APOA4: variants seen among roughly 807,000 people sequenced by gnomAD.
The protein encoded by APOA4 is apolipoprotein A-IV.
In APOA4, 25 loss-of-function variants were observed where a neutral mutation model predicts 33.6. The observed-to-expected ratio is 0.74, with a 90% CI of 0.54 to 1.04. The LOEUF (loss-of-function observed/expected upper bound fraction) is 1.04, where lower values mean the gene tolerates loss of function less well. Ranked by LOEUF, APOA4 falls within the 50% of genes least tolerant of loss-of-function variation. The pLI is 0.00. For missense variants in APOA4, 549 were observed against 510.4 expected, an observed-to-expected ratio of 1.08 and a Z score of -0.73; for synonymous variants, 228 against 224.0, an observed-to-expected ratio of 1.02 and a Z score of -0.16.
Position 116,821,760 on chromosome 11 carries a change from C to G in APOA4, c.298G>C (p.Glu100Gln). ...RLAKDSEKLK[E>Q]EIGKELEELR... is the part of the protein sequence containing the mutation. The stretch of plus-strand genomic sequence containing the variant: ...TCCTCCAGCTCCTTCCCAATCTCCT[C>G]CTTCAGTTTCTCCGAGTCCTTGGCC... The change falls in exon 3 of 3, where the codon GAG becomes CAG. Residue 100 changes from glutamate (E) to glutamine (Q), a missense_variant. Physicochemically the swap from Glu to Gln is conservative, Grantham distance 29. Transcript: ENST00000357780. The G allele has an allele frequency of 6.4e-7, 1 of 1,561,066 alleles. No individual in the cohort carries two copies. The highest frequency in any genetic ancestry group is 2.2e-5 in the East Asian group (1 of 44,636).
rs949667521 is a variant in APOA4, at chr11:116,823,007, G to T, written c.49+136C>A. 59 of 1,363,330 alleles carry T rather than the reference G, an allele frequency of 4.3e-5. No homozygotes were observed. In the Middle Eastern group the frequency reaches 7.3e-4, roughly 17 times the overall value. 84.5% of individuals were successfully genotyped at this position (1,363,330 alleles called of 1,614,324 possible). A position where few individuals can be genotyped will look rare whatever the true frequency, so the allele number is the denominator to read the frequency against. On this transcript the variant is annotated intron_variant, in intron 1 of 2. Coordinates refer to ENST00000357780, the MANE Select transcript of APOA4 (RefSeq NM_000482.4). ...GGGCCAGCTCTCCTGTGAGCCACTT[G>T]GCAGCCAGGCAGACCTCATGTCCAG...
chr11:116,822,597 C>T (rs1941339437), intron 2 of APOA4, 62 bp downstream of exon 2: 1 of 1,613,102 alleles, frequency 6.2e-7, no homozygotes. Context: ...TCAACCCTTG[C>T]CAGTACATTG....
rs202147415 is a variant in APOA4, at chr11:116,821,210, T to G, written c.848A>C (p.Glu283Ala). The G allele has an allele frequency of 6.8e-5, 109 of 1,613,252 alleles. No individual in the cohort carries two copies. The highest frequency in any genetic ancestry group is 1.3e-4 in the Admixed American group (8 of 60,020). ...DVRGNLRGNT[E>A]GLQKSLAELG... ...CTCTGCCAGTGACTTCTGCAGCCCCTCGGTGTTGCCCCTCAGGTTGCCACG... is the reference window on the plus strand; with the variant it reads ...CTCTGCCAGTGACTTCTGCAGCCCCGCGGTGTTGCCCCTCAGGTTGCCACG... Residue 283 changes from glutamate (E) to alanine (A), a missense_variant, in exon 3 of 3, where the codon GAG (glutamate) becomes GCG (alanine). By Grantham distance (107) the Glu-to-Ala change is moderately radical (BLOSUM62 -1). Transcript: ENST00000357780.
chr11:116,823,168 C>T lies in APOA4; in HGVS notation c.24G>A (p.Leu8=), dbSNP rs1309619322. ...CGGCGACAGCCACCAGGGCCAGGGT[C>T]AGGACCACGGCCTTCAGGAACATCC... The part of the protein sequence containing the change: MFLKAVV[L]TLALVAVAGA... The change falls in exon 1 of 3, where the codon CTG becomes CTA. Residue 8 remains leucine, a synonymous_variant. Coordinates refer to ENST00000357780, the MANE Select transcript of APOA4 (RefSeq NM_000482.4). 6.2e-7 allele frequency: 1 copy of T among 1,614,096 alleles called. No homozygotes were observed. The highest frequency in any genetic ancestry group is 2.2e-5 in the East Asian group (1 of 44,870).
Position 116,821,405 on chromosome 11 carries a change from T to A in APOA4, c.653A>T (p.Glu218Val). The change falls in exon 3 of 3, where the codon GAG becomes GTG. Residue 218 changes from glutamate to valine, a missense_variant. Physicochemically the swap from Glu to Val is moderately radical, Grantham distance 121. Transcript: ENST00000357780. ...FKVKIDQTVE[E>V]LRRSLAPYAQ... ...ATAGGGAGCCAGGCTGCGGCGCAGCTCCTCCACGGTCTGGTCAATCTTGAC... is the reference window on the plus strand; with the variant it reads ...ATAGGGAGCCAGGCTGCGGCGCAGCACCTCCACGGTCTGGTCAATCTTGAC... 1 of 1,614,156 alleles carries A rather than the reference T, an allele frequency of 6.2e-7. No individual in the cohort carries two copies. Among genetic ancestry groups the A allele is most frequent in the Non-Finnish European group, 8.5e-7 (1 of 1,180,018 alleles).
At chr11:116,823,053 A>G in intron 1 of APOA4, 90 bp downstream of exon 1, 1 of 1,535,364 alleles carries the variant, frequency 6.5e-7, no homozygotes, top group Non-Finnish European at 9.0e-7. Context: ...ATGGGCACTC[A>G]GAAGTGTCCT....
At chr11:116,823,068 C>A (rs1591323155) in intron 1 of APOA4, 75 bp downstream of exon 1, 2 of 1,579,982 alleles carry the variant, frequency 1.3e-6, no homozygotes, top group Admixed American at 1.7e-5. Context: ...TGTCCTTTTG[C>A]TTTGGCTCAG....
rs1270883580 is a variant in APOA4, at chr11:116,821,629, G to C, written c.429C>G (p.Arg143=). 1.9e-6 allele frequency: 3 copies of C among 1,610,420 alleles called. No homozygotes were observed. The African/African-American group carries it at 4.0e-5, about 22-fold the overall frequency. The change falls in exon 3 of 3, where the codon CGC becomes CGG. Residue 143 remains arginine, a synonymous_variant. Transcript: ENST00000357780. ...QRLEPYADQL[R]TQVSTQAEQL... ...GCTCGGCCTGCGTGCTGACCTGGGT[G>C]CGCAGCTGGTCCGCGTAGGGCTCCA...
chr11:116,820,863 C>A lies in APOA4; in HGVS notation c.*4G>T, dbSNP rs1442405730. 3 of 1,613,592 alleles carry A rather than the reference C, an allele frequency of 1.9e-6. No homozygotes were observed. The highest frequency in any genetic ancestry group is 1.1e-5 in the South Asian group (1 of 91,060). ...GAGGGTGGGGCCAGTGCACCAGGGG[C>A]AGCTCAGCTCTCCAAAGGGGCCAGC... On this transcript the variant is annotated 3_prime_UTR_variant, in exon 3 of 3. Coordinates refer to ENST00000357780, the MANE Select transcript of APOA4 (RefSeq NM_000482.4).
In APOA4 at chr11:116,820,932, G is replaced by C; in HGVS notation, c.1126C>G (p.Gln376Glu). Residue 376 changes from glutamine to glutamate, a missense_variant, in exon 3 of 3, where the codon CAG (glutamine) becomes GAG (glutamate). Transcript: ENST00000357780. ...KTLSLPELEQ[Q>E]QEQQQEQQQE... ...TGCTGCTCCTGCTGCTGTTCCTGCT[G>C]TTGCTCCAGCTCAGGGAGGGAGAGA... 6.2e-7 allele frequency: 1 copy of C among 1,614,200 alleles called. No homozygotes were observed. Among genetic ancestry groups the C allele is most frequent in the Non-Finnish European group, 8.5e-7 (1 of 1,180,030 alleles).
Position 116,823,286 on chromosome 11 carries a change from C to T in APOA4, c.-95G>A, listed in dbSNP as rs988264769. ...CAGAGAGGTCCTCAGGAGAGCTCAC[C>T]TGCGCTGCAGTGGGAACTGACTGAA... On this transcript the variant is annotated 5_prime_UTR_variant, in exon 1 of 3. Transcript: ENST00000357780. 1 of 1,445,866 alleles carries T rather than the reference C, an allele frequency of 6.9e-7. No individual in the cohort carries two copies. Among genetic ancestry groups the T allele is most frequent in the South Asian group, 1.1e-5 (1 of 87,294 alleles). 89.6% of individuals were successfully genotyped at this position (1,445,866 alleles called of 1,614,324 possible).
In APOA4 at chr11:116,821,880, C is replaced by A; in HGVS notation, c.178G>T (p.Ala60Ser). The change falls in exon 3 of 3, where the codon GCC becomes TCC. Residue 60 changes from alanine (A) to serine (S), a missense_variant and splice_region_variant. Transcript: ENST00000357780. ...QKSELTQQLN[A>S]LFQDKLGEVN... ...TCTCCAAGTTTGTCCTGGAAGAGGG[C>A]ACTGTGGGGAAGGGCACAAGGAGGC... 1 of 1,613,458 alleles carries A rather than the reference C, an allele frequency of 6.2e-7. No homozygotes were observed. Among genetic ancestry groups the A allele is most frequent in the Non-Finnish European group, 8.5e-7 (1 of 1,180,022 alleles).
Position 116,821,711 on chromosome 11 carries a change from TG to T in APOA4, c.346del (p.His116MetfsTer5). On this transcript the variant is annotated frameshift_variant, in exon 3 of 3. Transcript: ENST00000357780. LOFTEE classifies it high-confidence loss of function. ...GATCTTCTGGCTCACCTCATTGGCA[TG>T]GGGCAGCAGCCGGGCCCTCAGCTCC... ...LEELRARLLP[H>X]ANEVSQKIGD... The T allele has an allele frequency of 6.4e-7, 1 of 1,560,772 alleles. No individual in the cohort carries two copies. The highest frequency in any genetic ancestry group is 2.2e-5 in the East Asian group (1 of 44,590).
Position 116,821,889 on chromosome 11 carries a change from G to GA in APOA4, c.177-9dup. The stretch of plus-strand genomic sequence containing the variant: ...TTGTCCTGGAAGAGGGCACTGTGGG[G>GA]AAGGGCACAAGGAGGCCACGTTACA... On this transcript the variant is annotated splice_polypyrimidine_tract_variant and intron_variant, in intron 2 of 2. Transcript: ENST00000357780. 6.2e-7 allele frequency: 1 copy of GA among 1,612,886 alleles called. No individual in the cohort carries two copies. Among genetic ancestry groups the GA allele is most frequent in the Non-Finnish European group, 8.5e-7 (1 of 1,180,028 alleles).
Position 116,821,662 on chromosome 11 carries a change from C to T in APOA4, c.396G>A (p.Gln132=), listed in dbSNP as rs759335195. The stretch of plus-strand genomic sequence containing the variant: ...GGTCCGCGTAGGGCTCCAGGCGCTG[C>T]TGAAGCTCTCGCAGGTTGTCCCCGA... ...QKIGDNLREL[Q]QRLEPYADQL... Residue 132 remains glutamine (Q), a synonymous_variant, in exon 3 of 3, where the codon CAG becomes CAA. Transcript: ENST00000357780. 1.1e-5 allele frequency: 17 copies of T among 1,607,798 alleles called. No homozygotes were observed. Among genetic ancestry groups the T allele is most frequent in the Middle Eastern group, 1.6e-4 (1 of 6,070 alleles).
chr11:116,821,534 A>G lies in APOA4; in HGVS notation c.524T>C (p.Leu175Pro). 6.2e-7 allele frequency: 1 copy of G among 1,613,340 alleles called. No homozygotes were observed. Reference sequence around the variant, plus strand: ...GGCGTGGGGCCTCAGCGAGGCCTGCAGGCTGTCGGCGTTCTCCCGCAGCAC... The same window carrying G: ...GGCGTGGGGCCTCAGCGAGGCCTGCGGGCTGTCGGCGTTCTCCCGCAGCAC... The part of the protein sequence containing the change: ...ERVLRENADS[L>P]QASLRPHADE... The change falls in exon 3 of 3, where the codon CTG becomes CCG. Residue 175 changes from leucine to proline, a missense_variant. Transcript: ENST00000357780.
In APOA4 at chr11:116,821,268, G is replaced by A. The variant is rs747989886; in HGVS notation, c.790C>T (p.Arg264Trp). Residue 264 changes from arginine to tryptophan, a missense_variant, in exon 3 of 3, where the codon CGG (arginine) becomes TGG (tryptophan). Transcript: ENST00000357780. Reference protein sequence around the residue: ...ARISASAEELRQRLAPLAEDV... With the variant: ...ARISASAEELWQRLAPLAEDV... ...TCGGCCAAGGGCGCCAGCCTCTGCC[G>A]CAGCTCCTCGGCACTGGCCGAGATC... is the stretch of plus-strand genomic sequence containing the variant. 2.9e-5 allele frequency: 46 copies of A among 1,613,392 alleles called. No homozygotes were observed. Among genetic ancestry groups the A allele is most frequent in the Middle Eastern group, 1.6e-4 (1 of 6,062 alleles).
At position 116,822,670 on chromosome 11, in the gene APOA4, G is replaced by A. The variant is rs111624567; in HGVS notation, c.165C>T (p.Thr55=). The change falls in exon 2 of 3, where the codon ACC becomes ACT. Residue 55 remains threonine (T), a synonymous_variant. Transcript: ENST00000357780. The part of the protein sequence containing the change: ...AVEHLQKSEL[T]QQLNALFQDK... ...GTAGTCCCTCTTACTTGAGTTGCTG[G>A]GTGAGTTCAGATTTCTGGAGATGTT... The A allele has an allele frequency of 3.1e-6, 5 of 1,614,214 alleles. No homozygotes were observed. In the South Asian group the frequency reaches 5.5e-5, roughly 18 times the overall value.
In APOA4 at chr11:116,823,172, A is replaced by G. The variant is rs1205722281; in HGVS notation, c.20T>C (p.Val7Ala). MFLKAV[V>A]LTLALVAVAG... ...GACAGCCACCAGGGCCAGGGTCAGG[A>G]CCACGGCCTTCAGGAACATCCTGAG... The change falls in exon 1 of 3, where the codon GTC becomes GCC. Residue 7 changes from valine (V) to alanine (A), a missense_variant. Coordinates refer to ENST00000357780, the MANE Select transcript of APOA4 (RefSeq NM_000482.4). 1 of 1,614,096 alleles carries G rather than the reference A, an allele frequency of 6.2e-7. No homozygotes were observed. Among genetic ancestry groups the G allele is most frequent in the Admixed American group, 1.7e-5 (1 of 60,026 alleles).
Sources: gnomAD v4.1 joint callset for allele counts on GRCh38, gnomAD v4.1.1 for gene constraint, MANE v1.5 for transcripts, NCBI Gene and HGNC (gene_info 2026-07-23, HGNC 2026-07-21) for gene names.